The following BIN1 variants were observed in gnomAD, a reference collection of about 807,000 sequenced individuals.
BIN1 encodes the protein bridging integrator 1, also known as myc box-dependent-interacting protein 1.
BIN1 carries 53 observed loss-of-function variants against 82.0 expected under a neutral mutation model. The ratio of observed to expected loss-of-function variants is 0.65; its 90% CI spans 0.52 to 0.81. The LOEUF (loss-of-function observed/expected upper bound fraction) is 0.81. Ranked by LOEUF, BIN1 falls within the 40% of genes least tolerant of loss-of-function variation. The probability of loss-of-function intolerance (pLI) is 0.00; values close to 1 mark genes in which losing one functional copy is unlikely to be tolerated. For synonymous variants in BIN1, 302 were observed against 328.0 expected (o/e 0.92, Z 0.86); for missense variants, 642 against 784.4 (o/e 0.82, Z 2.17).
intron 8 of BIN1, 119 bp downstream of exon 8, chr2:127,063,814 G>C (rs564485041): frequency 7.0e-7 from 1 of 1,435,342 alleles, no homozygotes; most frequent in Non-Finnish European, 9.8e-7. Context: ...GCTGGGCACC[G>C]CAGCACGCAG....
chr2:127,060,642 T>C lies in BIN1; in HGVS notation c.857+1473A>G. 6.2e-7 allele frequency: 1 copy of C among 1,614,204 alleles called. No homozygotes were observed. The highest frequency in any genetic ancestry group is 8.5e-7 in the Non-Finnish European group (1 of 1,179,978). ...CGCGAAAACAGTTTACTTTTCTTTC[T>C]GTGGGGACGGACGGGAGGTGGAGGC... On this transcript the variant is annotated intron_variant, in intron 10 of 18. Coordinates refer to ENST00000316724, the MANE Select transcript of BIN1 (RefSeq NM_139343.3).
chr2:127,089,878 T>C (rs538726120), intron 1 of BIN1, among the ~76,000 whole-genome samples: 134 of 152,176 alleles, frequency 8.8e-4, no homozygotes, highest in Non-Finnish European at 1.2e-3. Context: ...TATGATCATG[T>C]AGGTAAGAGG....
chr2:127,088,774 G>A (rs1340220007), intron 1 of BIN1, among the ~76,000 whole-genome samples: 1 of 152,004 alleles, frequency 6.6e-6, no homozygotes, highest in Admixed American at 6.6e-5. Flanking sequence ...CTGAAGGGCT[G>A]GGGGTGAGGG....
chr2:127,065,719 C>T (rs867086670), intron 7 of BIN1, among the ~76,000 whole-genome samples: 4 of 152,170 alleles, frequency 2.6e-5, no homozygotes, highest in African/African-American at 9.7e-5. Flanking sequence ...AAGACAGCAC[C>T]GCAGCTTGTC....
intron 1 of BIN1, chr2:127,081,977 C>G (rs1399949562): frequency 1.9e-6 from 2 of 1,049,238 alleles, no homozygotes; most frequent in African/African-American, 3.4e-5. Context: ...GTTCTCACAC[C>G]GAGGCTCCCC....
At position 127,057,744 on chromosome 2, in the gene BIN1, T is replaced by A; in HGVS notation, c.1003-143A>T. The A allele has an allele frequency of 9.3e-7, 1 of 1,073,502 alleles. No homozygotes were observed. The allele number at this position is 1,073,502 out of a possible 1,614,324, so 66.5% of individuals were successfully genotyped here. A position where few individuals can be genotyped will look rare whatever the true frequency, so the allele number is the denominator to read the frequency against. Reference sequence around the variant, plus strand: ...AGGCCACTGAGCAGGACGCAGCAAATGAAGAGTCACTGCCCTCCCAGCCCC... The same window carrying A: ...AGGCCACTGAGCAGGACGCAGCAAAAGAAGAGTCACTGCCCTCCCAGCCCC... On this transcript the variant is annotated intron_variant, in intron 11 of 18. Transcript: ENST00000316724. The surrounding 1 kb of genome is among the most constrained non-coding windows in gnomAD (Gnocchi z 5.0).
intron 2 of BIN1, among the ~76,000 whole-genome samples, chr2:127,076,338 C>T (rs1182313189): frequency 6.6e-6 from 1 of 152,132 alleles, no homozygotes; most frequent in African/African-American, 2.4e-5. Context: ...TTCCCCAAGT[C>T]TGGCCACAAT....
Position 127,061,045 on chromosome 2 carries a change from C to CT in BIN1, c.857+1069_857+1070insA, listed in dbSNP as rs1303079171. Among the ~76,000 whole-genome samples the CT allele has an allele frequency of 1.5e-4, 23 of 152,304 alleles. No homozygotes were observed. The South Asian group carries it at 4.6e-3, about 30-fold the overall frequency. On this transcript the variant is annotated intron_variant, in intron 10 of 18. Coordinates refer to ENST00000316724, the MANE Select transcript of BIN1 (RefSeq NM_139343.3). Reference sequence around the variant, plus strand: ...CTACTGCCCCTCTCTCTTCCCTCCACCTCCTTCCTGAGGGGAGCCATGGTT... The same window carrying CT: ...CTACTGCCCCTCTCTCTTCCCTCCACTCTCCTTCCTGAGGGGAGCCATGGTT...
Position 127,057,630 on chromosome 2 carries a change from C to A in BIN1, c.1003-29G>T, listed in dbSNP as rs370357173. Reference sequence around the variant, plus strand: ...TGGGTCGGCGGCGGGTGAGGGGCCGCGCGGGAAGGCACAGCAGAGCACGGG... The same window carrying A: ...TGGGTCGGCGGCGGGTGAGGGGCCGAGCGGGAAGGCACAGCAGAGCACGGG... On this transcript the variant is annotated intron_variant, in intron 11 of 18. Transcript: ENST00000316724. This position sits in a 1 kb window ranked among gnomAD's most constrained non-coding sequence, Gnocchi z 5.0. 1 of 1,494,222 alleles carries A rather than the reference C, an allele frequency of 6.7e-7. No individual in the cohort carries two copies. Among genetic ancestry groups the A allele is most frequent in the Non-Finnish European group, 9.0e-7 (1 of 1,114,714 alleles). The allele number at this position is 1,494,222 out of a possible 1,614,324, so 92.6% of individuals were successfully genotyped here. A position where few individuals can be genotyped will look rare whatever the true frequency, so the allele number is the denominator to read the frequency against.
chr2:127,065,703 G>C (rs561566023), intron 7 of BIN1, among the ~76,000 whole-genome samples: 2 of 152,318 alleles, frequency 1.3e-5, no homozygotes, highest in East Asian at 3.9e-4. Context: ...GGTGGGGACA[G>C]CAGTGAAGAC....
At chr2:127,073,721 A>C (rs1392557438) in intron 2 of BIN1, among the ~76,000 whole-genome samples, 1 of 152,194 alleles carries the variant, frequency 6.6e-6, no homozygotes, top group Non-Finnish European at 1.5e-5. Flanking sequence ...CCATGGGGAC[A>C]AGAAGGAATC....
rs1679254914 is a variant in BIN1 at position 127,093,920 on chromosome 2, A to G, written c.84+12940T>C. On this transcript the variant is annotated intron_variant, in intron 1 of 18. Coordinates refer to ENST00000316724, the MANE Select transcript of BIN1 (RefSeq NM_139343.3). The surrounding 1 kb of genome is among the most constrained non-coding windows in gnomAD (Gnocchi z 5.7). ...GGACTCCTCCAGTGCTGGGGGCCCC[A>G]GGCCTAAACTCAGACAGGACGGCCC... Among the ~76,000 whole-genome samples, 1 of 152,110 alleles carries G rather than the reference A, an allele frequency of 6.6e-6. No individual in the cohort carries two copies. The highest frequency in any genetic ancestry group is 1.5e-5 in the Non-Finnish European group (1 of 68,012).
chr2:127,056,711 C>CGGGGAA (rs375580709), intron 12 of BIN1, among the ~76,000 whole-genome samples: 1 of 152,182 alleles, frequency 6.6e-6, no homozygotes, highest in African/African-American at 2.4e-5. Flanking sequence ...TCGGGGAGTG[C>CGGGGAA]GGGGAAGGCC....
chr2:127,099,912 T>C (rs1044734114), intron 1 of BIN1, among the ~76,000 whole-genome samples: 3 of 151,812 alleles, frequency 2.0e-5, no homozygotes, highest in South Asian at 2.1e-4. Flanking sequence ...CAAGCGATTC[T>C]ACTGCCTCAG....
chr2:127,054,063 G>A (rs1478158670), intron 12 of BIN1, 51 bp from the exon 13 acceptor site: 1 of 1,496,374 alleles, frequency 6.7e-7, no homozygotes, highest in Non-Finnish European at 9.1e-7. Flanking sequence ...GTTAAGCTGG[G>A]AGCCCTCACC....
At chr2:127,080,102 C>A (rs1286089994) in intron 1 of BIN1, among the ~76,000 whole-genome samples, 1 of 152,270 alleles carries the variant, frequency 6.6e-6, no homozygotes, top group African/African-American at 2.4e-5. Flanking sequence ...TGCACCTACC[C>A]CCATTTCATC....
Position 127,057,465 on chromosome 2 carries a change from C to T in BIN1, c.1131+8G>A. 1.9e-6 allele frequency: 3 copies of T among 1,544,372 alleles called. No homozygotes were observed. The highest frequency in any genetic ancestry group is 1.7e-6 in the Non-Finnish European group (2 of 1,143,036). ...GAGGAGAGCTGGGCCGCGGCGGCCG[C>T]GGCTGACCTGGGAGGGGGTGGTCAC... On this transcript the variant is annotated splice_region_variant and intron_variant, in intron 12 of 18. Coordinates refer to ENST00000316724, the MANE Select transcript of BIN1 (RefSeq NM_139343.3). The surrounding 1 kb of genome is among the most constrained non-coding windows in gnomAD (Gnocchi z 5.0).
chr2:127,094,662 A>T (rs1321716890), intron 1 of BIN1, among the ~76,000 whole-genome samples: 1 of 152,238 alleles, frequency 6.6e-6, no homozygotes, highest in Non-Finnish European at 1.5e-5. Context: ...TGCAGCAGGC[A>T]GGGTGACCCG....
chr2:127,081,921 G>A, intron 1 of BIN1: 11 of 1,262,838 alleles, frequency 8.7e-6, no homozygotes, highest in Non-Finnish European at 1.1e-5. Context: ...AGCAGAGCCT[G>A]CGGTCGGGGG....
Sources: allele counts gnomAD v4.1 joint callset (sites outside exome capture counted in the v4.1 genomes callset), GRCh38; gene constraint gnomAD v4.1.1; non-coding constraint Gnocchi (gnomAD v3.1); transcripts MANE v1.5; gene names NCBI Gene and HGNC (gene_info 2026-07-23, HGNC 2026-07-21).